The following SYTL2 variants were observed in gnomAD, a reference collection of about 807,000 sequenced individuals.
The protein encoded by SYTL2 is synaptotagmin-like protein 2.
Under a neutral mutation model 198.7 loss-of-function variants are expected in SYTL2, and 165 were observed. The ratio of observed to expected loss-of-function variants is 0.83; its 90% CI spans 0.73 to 0.94. The LOEUF (loss-of-function observed/expected upper bound fraction) is 0.94. SYTL2 is among the 40% of genes least tolerant of loss of function. The probability of loss-of-function intolerance (pLI) is 0.00; values close to 1 mark genes in which losing one functional copy is unlikely to be tolerated. For missense variants in SYTL2, 2,835 were observed against 2,582.8 expected (o/e 1.10, Z -2.12); for synonymous variants, 966 against 917.7 (o/e 1.05, Z -0.95).
At chr11:85,854,215 G>A in the SYTL2 span, 1 of 151,192 alleles carries the variant, frequency 6.6e-6, no homozygotes, top group Non-Finnish European at 1.5e-5. Context: ...AATACACCAT[G>A]TATAAATTAT....
the SYTL2 span, among the ~76,000 whole-genome samples, chr11:85,820,076 T>G: frequency 1.3e-5 from 2 of 152,206 alleles, no homozygotes; most frequent in African/African-American, 4.8e-5. Flanking sequence ...AGGTTCTTTA[T>G]TTTCATCAAT....
intron 12 of SYTL2, among the ~76,000 whole-genome samples, chr11:85,711,934 C>T (rs1013130281): frequency 6.6e-6 from 1 of 151,756 alleles, no homozygotes; most frequent in African/African-American, 2.4e-5. Flanking sequence ...TAAATATGTC[C>T]GAGGAAGTAT....
At chr11:85,833,080 AAAGAAAGAAAGAAAGAAAG>A in the SYTL2 span, among the ~76,000 whole-genome samples, 1 of 57,266 alleles carries the variant, frequency 1.7e-5, no homozygotes, top group Non-Finnish European at 3.9e-5. Flanking sequence ...AGAAAGAAAG[AAAGAAAGAAAGAAAGAAAG>A]AAGGAAGGAA....
chr11:85,713,798 T>A (rs1013776991), intron 12 of SYTL2, among the ~76,000 whole-genome samples: 4 of 152,198 alleles, frequency 2.6e-5, no homozygotes, highest in Non-Finnish European at 4.4e-5. Flanking sequence ...CTTAAGACCG[T>A]ACAGTATATA....
At chr11:85,696,484 G>A in intron 18 of SYTL2, 96 bp from the exon 19 acceptor site, 3 of 1,037,322 alleles carry the variant, frequency 2.9e-6, no homozygotes, top group South Asian at 2.8e-5. Context: ...GATTGACAAT[G>A]GAGGAAAAGA....
chr11:85,706,565 C>A (rs760261010), intron 15 of SYTL2, among the ~76,000 whole-genome samples: 20 of 152,142 alleles, frequency 1.3e-4, no homozygotes, highest in African/African-American at 4.3e-4. Flanking sequence ...ATATTCCAGC[C>A]TGAAGGAACA....
At chr11:85,703,776 G>C (rs1013015064) in intron 16 of SYTL2, among the ~76,000 whole-genome samples, 3 of 152,090 alleles carry the variant, frequency 2.0e-5, no homozygotes, top group African/African-American at 7.2e-5. Flanking sequence ...ATTAAAACAT[G>C]ACCAAAAATA....
At chr11:85,842,923 G>A in the SYTL2 span, among the ~76,000 whole-genome samples, 6 of 152,298 alleles carry the variant, frequency 3.9e-5, no homozygotes, top group East Asian at 9.6e-4. Context: ...CATAGTAGCT[G>A]CTCAACAAAT....
At chr11:85,730,469 G>A (rs576952330) in intron 7 of SYTL2, among the ~76,000 whole-genome samples, 3 of 152,150 alleles carry the variant, frequency 2.0e-5, no homozygotes, top group South Asian at 4.1e-4. Context: ...AATCCATCAC[G>A]TAAACAGAAC....
At chr11:85,704,515 G>A (rs1234178228) in intron 16 of SYTL2, among the ~76,000 whole-genome samples, 1 of 152,072 alleles carries the variant, frequency 6.6e-6, no homozygotes, top group Non-Finnish European at 1.5e-5. Flanking sequence ...TGACTTAATT[G>A]ATAAATATAG....
At chr11:85,842,736 A>G in the SYTL2 span, among the ~76,000 whole-genome samples, 1 of 152,162 alleles carries the variant, frequency 6.6e-6, no homozygotes, top group Non-Finnish European at 1.5e-5. Flanking sequence ...TTCCTAAGAG[A>G]TCTGTGGAAA....
At chr11:85,777,497 C>A (rs1459003988) in intron 1 of SYTL2, among the ~76,000 whole-genome samples, 1 of 152,018 alleles carries the variant, frequency 6.6e-6, no homozygotes, top group East Asian at 1.9e-4. Flanking sequence ...GCACCCTGAA[C>A]CTGCTTCTGA....
Position 85,711,114 on chromosome 11 carries a change from G to A in SYTL2, c.5744C>T (p.Ser1915Phe). 2 of 1,613,938 alleles carry A rather than the reference G, an allele frequency of 1.2e-6. No individual in the cohort carries two copies. Among genetic ancestry groups the A allele is most frequent in the Admixed American group, 1.7e-5 (1 of 59,990 alleles). Reference sequence around the variant, plus strand: ...AATATGGAGCCTTTGTTTACATACAGAAGACAAGGACGTCATGCCAGAGGA... The same window carrying A: ...AATATGGAGCCTTTGTTTACATACAAAAGACAAGGACGTCATGCCAGAGGA... ...SSSSGMTSLS[S>F]VSGSVMSVYS... Residue 1915 changes from serine (S) to phenylalanine (F), a missense_variant and splice_region_variant, in exon 13 of 20, where the codon TCT becomes TTT. Around this residue, in one of 3 missense-constraint regions of SYTL2, gnomAD observed 2,645 missense variants for 2,381.7 expected, o/e 1.11. Coordinates refer to ENST00000359152, the MANE Select transcript of SYTL2 (RefSeq NM_206927.4).
In SYTL2 at chr11:85,757,669, CA is replaced by C. The variant is rs1397090488; in HGVS notation, c.56del (p.Leu19CysfsTer7). 15 of 1,613,738 alleles carry C rather than the reference CA, an allele frequency of 9.3e-6. No homozygotes were observed. Among genetic ancestry groups the C allele is most frequent in the Non-Finnish European group, 1.3e-5 (15 of 1,179,954 alleles). On this transcript the variant is annotated frameshift_variant, in exon 2 of 20. Transcript: ENST00000359152. LOFTEE classifies it high-confidence loss of function. Reference sequence around the variant, plus strand: ...CCCTCTTCAGAGCAGCATCCCGCTGCAAAACCTTCATGATGGCCTCTTGTTC... The same window carrying C: ...CCCTCTTCAGAGCAGCATCCCGCTGCAAACCTTCATGATGGCCTCTTGTTC... ...EEEQEAIMKV[L>X]QRDAALKRAE...
At chr11:85,800,511 T>C (rs2092870316) in intron 1 of SYTL2, among the ~76,000 whole-genome samples, 1 of 152,076 alleles carries the variant, frequency 6.6e-6, no homozygotes, top group African/African-American at 2.4e-5. Context: ...ACTCCTGGGT[T>C]CAAGCAATCC....
At chr11:85,730,158 G>A (rs538062127) in intron 7 of SYTL2, among the ~76,000 whole-genome samples, 5 of 152,154 alleles carry the variant, frequency 3.3e-5, no homozygotes, top group East Asian at 1.9e-4. Flanking sequence ...GAATTCTACC[G>A]GAGGTACAAA....
chr11:85,737,692 C>A, intron 4 of SYTL2, 36 bp from the exon 5 acceptor site: 1 of 1,564,192 alleles, frequency 6.4e-7, no homozygotes, highest in Middle Eastern at 1.7e-4. Flanking sequence ...AATAAAACCT[C>A]ACCTTTTGAG....
At chr11:85,803,327 C>G (rs1057394029) in intron 1 of SYTL2, among the ~76,000 whole-genome samples, 1 of 152,194 alleles carries the variant, frequency 6.6e-6, no homozygotes, top group Non-Finnish European at 1.5e-5. Context: ...TCAAGTTCTT[C>G]AGTATATTCC....
intron 1 of SYTL2, among the ~76,000 whole-genome samples, chr11:85,794,460 C>T (rs528952798): frequency 2.0e-5 from 3 of 152,076 alleles, no homozygotes; most frequent in Non-Finnish European, 2.9e-5. Context: ...ATTACAGTCA[C>T]GAGCCACCAC....
Sources: allele counts gnomAD v4.1 joint callset (sites outside exome capture counted in the v4.1 genomes callset), GRCh38; gene constraint gnomAD v4.1.1; regional missense constraint gnomAD v4.1.1; transcripts MANE v1.5; gene names NCBI Gene and HGNC (gene_info 2026-07-23, HGNC 2026-07-21).